Variants in SLC25A48 observed in about 807,000 individuals in gnomAD.
SLC25A48 encodes solute carrier family 25 member 48, also known as CTC-321K16.1.
Under a neutral mutation model 32.2 loss-of-function variants are expected in SLC25A48, and 29 were observed. That is an observed-to-expected ratio of 0.90 (90% CI 0.67 to 1.23). SLC25A48 has a LOEUF of 1.23. Among genes scored for constraint, SLC25A48 ranks in the 50% most tolerant of loss-of-function variants. SLC25A48 has a pLI of 0.00. For synonymous variants in SLC25A48, 164 were observed against 172.3 expected (o/e 0.95, Z 0.38); for missense variants, 399 against 422.7 (o/e 0.94, Z 0.49).
chr5:135,628,260 G>T (rs372894647), intron 1 of SLC25A48, among the ~76,000 whole-genome samples: 2 of 152,148 alleles, frequency 1.3e-5, no homozygotes, highest in African/African-American at 4.8e-5. Flanking sequence ...CTATGCCTTA[G>T]TAAAGACTCC....
At chr5:135,631,809 A>C (rs2126907988) in intron 2 of SLC25A48, among the ~76,000 whole-genome samples, 1 of 152,352 alleles carries the variant, frequency 6.6e-6, no homozygotes, top group Non-Finnish European at 1.5e-5. Context: ...TATACGGAGG[A>C]CTGCCACATG....
chr5:135,643,023 C>A lies in SLC25A48; in HGVS notation c.-521+8067C>A, dbSNP rs190766452. Among the ~76,000 whole-genome samples, 251 of 152,306 alleles carry A rather than the reference C, an allele frequency of 1.6e-3. 1 individual carries two copies. Among genetic ancestry groups the A allele is most frequent in the African/African-American group, 5.8e-3 (240 of 41,564 alleles). ...GGGCGGCAGCAACGCAAGTCCTAAA[C>A]CCCCAGCACACAGGAAGGGAAGTGG... On this transcript the variant is annotated intron_variant, in intron 3 of 10. Transcript: ENST00000646290.
At chr5:135,692,043 C>T (rs559829068) in intron 3 of SLC25A48, among the ~76,000 whole-genome samples, 12 of 152,258 alleles carry the variant, frequency 7.9e-5, no homozygotes, top group East Asian at 1.9e-4. Context: ...GCAGTCCGGG[C>T]GCGGTGGCTC....
At chr5:135,853,886 AC>A (rs1760098048) in intron 4 of SLC25A48, among the ~76,000 whole-genome samples, 1 of 152,200 alleles carries the variant, frequency 6.6e-6, no homozygotes, top group Admixed American at 6.5e-5. Context: ...TAAGAAATAT[AC>A]TTCTTAAGTA....
At chr5:135,753,826 G>C (rs373471220) in intron 3 of SLC25A48, among the ~76,000 whole-genome samples, 1 of 151,742 alleles carries the variant, frequency 6.6e-6, no homozygotes, top group African/African-American at 2.4e-5. Flanking sequence ...GTCATATCTC[G>C]AGGACATTAT....
At chr5:135,645,490 G>A (rs897600198) in intron 3 of SLC25A48, among the ~76,000 whole-genome samples, 3 of 152,126 alleles carry the variant, frequency 2.0e-5, no homozygotes, top group African/African-American at 7.3e-5. Flanking sequence ...CAGCCACTAA[G>A]CGCAAAGCCT....
intron 3 of SLC25A48, among the ~76,000 whole-genome samples, chr5:135,763,782 C>CACACACAT (rs1255690905): frequency 3.4e-5 from 5 of 148,500 alleles, no homozygotes; most frequent in African/African-American, 1.2e-4. Context: ...CACACACACA[C>CACACACAT]ACACACACGA....
At chr5:135,816,643 A>G (rs988583357) in intron 4 of SLC25A48, among the ~76,000 whole-genome samples, 2 of 152,246 alleles carry the variant, frequency 1.3e-5, no homozygotes, top group African/African-American at 2.4e-5. Flanking sequence ...AATAAATGAG[A>G]CTGTTAAAAG....
At chr5:135,846,217 C>A (rs892081902) in intron 2 of SLC25A48, among the ~76,000 whole-genome samples, 2 of 152,190 alleles carry the variant, frequency 1.3e-5, no homozygotes, top group South Asian at 4.1e-4. Flanking sequence ...AAAACCATCA[C>A]CCCACCCTGG....
chr5:135,774,594 T>C (rs899516545), intron 3 of SLC25A48, among the ~76,000 whole-genome samples: 3 of 151,846 alleles, frequency 2.0e-5, no homozygotes, highest in African/African-American at 7.3e-5. Context: ...TACACCCCTC[T>C]TCTGATATTG....
chr5:135,756,929 A>G (rs987890898), intron 3 of SLC25A48, among the ~76,000 whole-genome samples: 1 of 149,888 alleles, frequency 6.7e-6, no homozygotes, highest in Admixed American at 6.7e-5. Context: ...GTAATAAAAT[A>G]TCATCTAGAT....
chr5:135,742,462 G>A, intron 3 of SLC25A48: 1 of 1,553,158 alleles, frequency 6.4e-7, no homozygotes, highest in Non-Finnish European at 8.7e-7. Context: ...TCACCTGTGT[G>A]TTTTCATCCT....
intron 3 of SLC25A48, among the ~76,000 whole-genome samples, chr5:135,789,394 T>G (rs1427342852): frequency 2.7e-5 from 4 of 150,202 alleles, no homozygotes; most frequent in Non-Finnish European, 4.4e-5. Context: ...AGAGAGGGTG[T>G]TATTACTCCC....
chr5:135,612,042 C>A (rs1752084521), intron 1 of SLC25A48, among the ~76,000 whole-genome samples: 1 of 152,194 alleles, frequency 6.6e-6, no homozygotes, highest in South Asian at 2.1e-4. Flanking sequence ...TATGCTGTGG[C>A]TTTCCTATGT....
chr5:135,763,245 C>A (rs538946040), intron 3 of SLC25A48, among the ~76,000 whole-genome samples: 1 of 152,082 alleles, frequency 6.6e-6, no homozygotes, highest in Non-Finnish European at 1.5e-5. Flanking sequence ...ATTTGACTCA[C>A]GGGGCTAGCT....
intron 1 of SLC25A48, among the ~76,000 whole-genome samples, chr5:135,592,382 C>T (rs996155939): frequency 9.9e-5 from 15 of 152,152 alleles, no homozygotes; most frequent in African/African-American, 3.4e-4. Flanking sequence ...TTTGTTCTGT[C>T]TCTGAAAGTT....
At chr5:135,611,160 T>A (rs2126890769) in intron 1 of SLC25A48, among the ~76,000 whole-genome samples, 1 of 152,212 alleles carries the variant, frequency 6.6e-6, no homozygotes. Flanking sequence ...GAAAGATGTT[T>A]TAAAATTAGA....
chr5:135,711,635 C>A (rs1234961844), intron 3 of SLC25A48, among the ~76,000 whole-genome samples: 3 of 152,200 alleles, frequency 2.0e-5, no homozygotes, highest in Non-Finnish European at 4.4e-5. Context: ...ACATATAGAA[C>A]CTGCTTGTGC....
At chr5:135,767,725 A>G (rs951702409) in intron 3 of SLC25A48, among the ~76,000 whole-genome samples, 3 of 151,710 alleles carry the variant, frequency 2.0e-5, no homozygotes, top group African/African-American at 7.3e-5. Flanking sequence ...TGTCCATAAT[A>G]TCTAGTGGGG....
Sources: gnomAD v4.1 joint callset for allele counts (sites outside exome capture counted in the v4.1 genomes callset) on GRCh38, gnomAD v4.1.1 for gene constraint, MANE v1.5 for transcripts, NCBI Gene and HGNC (gene_info 2026-07-23, HGNC 2026-07-21) for gene names.